The following COL11A1 variants were observed in gnomAD, a reference collection of about 807,000 sequenced individuals.
COL11A1 encodes collagen type XI alpha 1 chain.
A neutral mutation model predicts 265.2 loss-of-function variants in COL11A1; 74 were observed. The observed-to-expected ratio is 0.28, with a 90% CI of 0.23 to 0.34. COL11A1 has a LOEUF of 0.34. Ranked by LOEUF, COL11A1 falls within the 10% of genes least tolerant of loss-of-function variation. The pLI, the probability that COL11A1 is intolerant of heterozygous loss-of-function variation, is 1.00. For synonymous variants in COL11A1, 816 were observed against 727.6 expected, an observed-to-expected ratio of 1.12 and a Z score of -1.96; for missense variants, 2,165 against 2,263.6, an observed-to-expected ratio of 0.96 and a Z score of 0.88.
rs1426426268 is a variant in COL11A1, at chr1:102,883,821, C to CT, written c.4859-511dup. On this transcript the variant is annotated intron_variant, in intron 63 of 66. Transcript: ENST00000370096. ...TGCCTTATTTTATAAAAAAAAAAAA[C>CT]TTCTTGCAATAAATGTACTCTCTCT... 4.6e-5 allele frequency among the ~76,000 whole-genome samples: 7 copies of CT among 150,860 alleles called. No individual in the cohort carries two copies. In the East Asian group the frequency reaches 1.4e-3, roughly 29 times the overall value.
chr1:102,949,213 C>T lies in COL11A1; in HGVS notation c.3169-2257G>A, dbSNP rs181024972. Among the ~76,000 whole-genome samples, 5 of 150,262 alleles carry T rather than the reference C, an allele frequency of 3.3e-5. No homozygotes were observed. In the East Asian group the frequency reaches 9.6e-4, roughly 29 times the overall value. On this transcript the variant is annotated intron_variant, in intron 41 of 66. Transcript: ENST00000370096. ...AAGATAAATCTCCACTAATCTGAAA[C>T]ACTGATTTATTGAGGATCAATGTAC...
chr1:103,083,552 A>G (rs1053453827), intron 1 of COL11A1, among the ~76,000 whole-genome samples: 3 of 152,158 alleles, frequency 2.0e-5, no homozygotes, highest in African/African-American at 7.2e-5. Context: ...GTCATTTTGT[A>G]TACACAAGAG....
intron 3 of COL11A1, among the ~76,000 whole-genome samples, chr1:103,077,130 A>G (rs1320212361): frequency 6.6e-6 from 1 of 152,158 alleles, no homozygotes; most frequent in Non-Finnish European, 1.5e-5. Context: ...TCAACATATT[A>G]TCAAGATAAT....
In COL11A1 at chr1:103,108,055, A is replaced by G. The variant is rs756606819; in HGVS notation, c.106+18T>C. ...ACCGACGGCAATCTCCCACCTCCCC[A>G]AATCCATTTTTTCTTACCTCCTCTG... On this transcript the variant is annotated intron_variant, in intron 1 of 66. Coordinates refer to ENST00000370096, the MANE Select transcript of COL11A1 (RefSeq NM_001854.4). 1.9e-6 allele frequency: 3 copies of G among 1,603,446 alleles called. No individual in the cohort carries two copies. In the South Asian group the frequency reaches 3.3e-5, roughly 18 times the overall value.
At chr1:102,936,778 AG>A (rs1316903349) in intron 44 of COL11A1, among the ~76,000 whole-genome samples, 1 of 152,176 alleles carries the variant, frequency 6.6e-6, no homozygotes, top group African/African-American at 2.4e-5. Context: ...TAGCACAAAA[AG>A]CTCACTGTTT....
chr1:102,893,313 A>C (rs946724931), intron 57 of COL11A1, among the ~76,000 whole-genome samples: 1 of 152,148 alleles, frequency 6.6e-6, no homozygotes, highest in African/African-American at 2.4e-5. Context: ...TCATGAAGTT[A>C]AAGATAATGA....
intron 14 of COL11A1, among the ~76,000 whole-genome samples, chr1:103,010,700 TA>T (rs1417182056): frequency 2.0e-5 from 3 of 151,210 alleles, no homozygotes; most frequent in Admixed American, 1.3e-4. Context: ...CTGATATTTG[TA>T]AATTTTTTTT....
intron 14 of COL11A1, among the ~76,000 whole-genome samples, chr1:103,012,172 G>T (rs889018362): frequency 6.6e-6 from 1 of 152,120 alleles, no homozygotes; most frequent in Non-Finnish European, 1.5e-5. Flanking sequence ...TTAATAGTTG[G>T]ATATGACTCA....
intron 58 of COL11A1, 138 bp downstream of exon 58, chr1:102,890,312 TA>T: frequency 1.3e-6 from 1 of 747,154 alleles, no homozygotes; most frequent in Non-Finnish European, 2.2e-6. Flanking sequence ...TCTGGGAAGC[TA>T]AGGATTGAAG....
At chr1:102,931,246 C>G (rs1049878082) in intron 46 of COL11A1, among the ~76,000 whole-genome samples, 1 of 151,174 alleles carries the variant, frequency 6.6e-6, no homozygotes, top group African/African-American at 2.4e-5. Context: ...ATAAATTTCC[C>G]TCTACCCACT....
At chr1:103,022,708 A>T in intron 8 of COL11A1, 34 bp downstream of exon 8, 3 of 1,612,172 alleles carry the variant, frequency 1.9e-6, no homozygotes, top group Non-Finnish European at 2.5e-6. Context: ...CATAAATAAG[A>T]CATACAATGA....
intron 13 of COL11A1, among the ~76,000 whole-genome samples, chr1:103,013,094 A>T (rs1448289056): frequency 1.3e-5 from 2 of 152,156 alleles, no homozygotes; most frequent in African/African-American, 4.8e-5. Flanking sequence ...ACAGTACAAA[A>T]GATAAAAATT....
chr1:103,041,398 T>C lies in COL11A1; in HGVS notation c.652-10154A>G, dbSNP rs1418167763. ...CATCCTTTTTTTTTGGTGCCTGTTC[T>C]AAGTCCCTCAGAGAAAATACCTGTC... On this transcript the variant is annotated intron_variant, in intron 4 of 66. Transcript: ENST00000370096. Among the ~76,000 whole-genome samples, 3 of 151,848 alleles carry C rather than the reference T, an allele frequency of 2.0e-5. No individual in the cohort carries two copies. The East Asian group carries it at 5.8e-4, about 29-fold the overall frequency.
intron 4 of COL11A1, among the ~76,000 whole-genome samples, chr1:103,065,232 AG>A (rs1671009743): frequency 1.3e-5 from 2 of 152,148 alleles, no homozygotes; most frequent in Non-Finnish European, 2.9e-5. Flanking sequence ...TAACAACAAC[AG>A]CAATTGGCCG....
At chr1:103,032,586 GTTAA>G (rs914669837) in intron 4 of COL11A1, among the ~76,000 whole-genome samples, 32 of 152,122 alleles carry the variant, frequency 2.1e-4, no homozygotes, top group African/African-American at 6.7e-4. Flanking sequence ...AAAGGAATAA[GTTAA>G]TTAGTTAATT....
At chr1:102,898,908 ATATATATTATG>A in intron 55 of COL11A1, 22 bp downstream of exon 55, 5 of 1,039,998 alleles carry the variant, frequency 4.8e-6, no homozygotes, top group Non-Finnish European at 6.6e-6. Context: ...ATAATATATA[ATATATATTATG>A]TATATATTAT....
chr1:103,075,194 G>A (rs976104605), intron 3 of COL11A1, among the ~76,000 whole-genome samples: 3 of 152,058 alleles, frequency 2.0e-5, no homozygotes, highest in South Asian at 2.1e-4. Context: ...AAAAAACTCC[G>A]CTCTAGTGAT....
chr1:103,013,876 T>C (rs1202600845), intron 13 of COL11A1, among the ~76,000 whole-genome samples: 1 of 152,006 alleles, frequency 6.6e-6, no homozygotes, highest in Non-Finnish European at 1.5e-5. Context: ...TTGATTTTCT[T>C]GTGTATATTC....
At chr1:102,969,429 T>C (rs1661742906) in intron 37 of COL11A1, among the ~76,000 whole-genome samples, 1 of 152,204 alleles carries the variant, frequency 6.6e-6, no homozygotes. Context: ...TGGATAAAAG[T>C]AATCATTGGT....
Sources: allele counts gnomAD v4.1 joint callset (sites outside exome capture counted in the v4.1 genomes callset), GRCh38; gene constraint gnomAD v4.1.1; transcripts MANE v1.5; gene names NCBI Gene and HGNC (gene_info 2026-07-23, HGNC 2026-07-21).